Variants in ARID1A observed in about 807,000 individuals in gnomAD.
The protein encoded by ARID1A is AT-rich interaction domain 1A, also known as AT-rich interactive domain-containing protein 1A.
A neutral mutation model predicts 212.6 loss-of-function variants in ARID1A; 20 were observed. The ratio of observed to expected loss-of-function variants is 0.09; its 90% CI spans 0.07 to 0.14. The LOEUF (loss-of-function observed/expected upper bound fraction) is 0.14, where lower values mean the gene tolerates loss of function less well. ARID1A is among the 10% of genes least tolerant of loss of function. ARID1A has a pLI of 1.00. For missense variants in ARID1A, 2,587 were observed against 3,059.0 expected (o/e 0.85, Z 3.64); for synonymous variants, 1,376 against 1,222.1 (o/e 1.13, Z -2.63).
intron 1 of ARID1A, among the ~76,000 whole-genome samples, chr1:26,714,301 A>G (rs1441314395): frequency 6.6e-6 from 1 of 152,102 alleles, no homozygotes; most frequent in Non-Finnish European, 1.5e-5. Context: ...ATACTTTTGG[A>G]ACTTTGAGAA....
At chr1:26,715,840 TA>T (rs1305262348) in intron 1 of ARID1A, among the ~76,000 whole-genome samples, 57 of 146,576 alleles carry the variant, frequency 3.9e-4, no homozygotes, top group Middle Eastern at 3.5e-3. Context: ...AGACCCGTCT[TA>T]AAAAAAAAAA....
chr1:26,758,932 C>G (rs959363801), intron 4 of ARID1A, among the ~76,000 whole-genome samples: 1 of 152,228 alleles, frequency 6.6e-6, no homozygotes, highest in Non-Finnish European at 1.5e-5. Flanking sequence ...TCAGAGCAAA[C>G]TTTGTCTCCA....
chr1:26,763,532 G>A (rs2081011848), intron 8 of ARID1A, among the ~76,000 whole-genome samples: 1 of 152,180 alleles, frequency 6.6e-6, no homozygotes, highest in East Asian at 1.9e-4. Context: ...TAGCACTTTG[G>A]GAGGCCAAGG....
Position 26,719,936 on chromosome 1 carries a change from C to T in ARID1A, c.1138-9715C>T, listed in dbSNP as rs538147890. Among the ~76,000 whole-genome samples the T allele has an allele frequency of 5.4e-5, 7 of 128,716 alleles. No homozygotes were observed. In the South Asian group the frequency reaches 7.3e-4, roughly 13 times the overall value. The allele number at this position is 128,716 out of a possible 152,430, so 84.4% of individuals were successfully genotyped here. Reference sequence around the variant, plus strand: ...AGCCTGGGCAACAAAAGTGAAAGTCCGTCTCAAAAAAAAAAAAAAAAAAAG... The same window carrying T: ...AGCCTGGGCAACAAAAGTGAAAGTCTGTCTCAAAAAAAAAAAAAAAAAAAG... On this transcript the variant is annotated intron_variant, in intron 1 of 19. Coordinates refer to ENST00000324856, the MANE Select transcript of ARID1A (RefSeq NM_006015.6).
At position 26,772,492 on chromosome 1, in the gene ARID1A, G is replaced by A. The variant is rs375480693; in HGVS notation, c.3407-8G>A. 1 of 1,614,042 alleles carries A rather than the reference G, an allele frequency of 6.2e-7. No homozygotes were observed. The highest frequency in any genetic ancestry group is 8.5e-7 in the Non-Finnish European group (1 of 1,180,030). On this transcript the variant is annotated splice_region_variant and splice_polypyrimidine_tract_variant and intron_variant, in intron 12 of 19. Transcript: ENST00000324856. ...AGCAAACTACTCAACTTGTATCTCT[G>A]TCCACAGCGGGATCAGGATCTATGC...
At chr1:26,724,093 T>C (rs2080593512) in intron 1 of ARID1A, among the ~76,000 whole-genome samples, 1 of 152,138 alleles carries the variant, frequency 6.6e-6, no homozygotes, top group South Asian at 2.1e-4. Context: ...TTTTAATTAT[T>C]ATTATTAAAA....
At chr1:26,732,824 A>G (rs894404598) in intron 4 of ARID1A, 32 bp downstream of exon 4, 1 of 1,546,988 alleles carries the variant, frequency 6.5e-7, no homozygotes, top group Non-Finnish European at 8.9e-7. Context: ...GAAAGGTGAT[A>G]GGGGCAGAGA....
rs1553152137 is a variant in ARID1A, at chr1:26,763,002, G to T, written c.2449G>T (p.Ala817Ser). Residue 817 changes from alanine to serine, a missense_variant, in exon 8 of 20, where the codon GCC becomes TCC. Physicochemically the swap from Ala to Ser is moderately conservative, Grantham distance 99. Around this residue, in one of 11 missense-constraint regions of ARID1A, gnomAD observed 674 missense variants for 813.4 expected, o/e 0.83. Transcript: ENST00000324856. ...CTACCCCAGGCAGCCAAACTATAAT[G>T]CCTTGCCCAATGCCAACTACCCCAG... ...GGYPRQPNYN[A>S]LPNANYPSAG... 1 of 1,605,914 alleles carries T rather than the reference G, an allele frequency of 6.2e-7. No homozygotes were observed. Among genetic ancestry groups the T allele is most frequent in the African/African-American group, 1.3e-5 (1 of 74,882 alleles).
In ARID1A at chr1:26,761,475, TGA is replaced by T; in HGVS notation, c.2251+6_2251+7del. ...AATCAAGCATTGCCCAAGATCGAGGTGAGAGCCTGGGTGTTGGGGAGGGGCAG... is the reference window on the plus strand; with the variant it reads ...AATCAAGCATTGCCCAAGATCGAGGTGAGCCTGGGTGTTGGGGAGGGGCAG... On this transcript the variant is annotated splice_donor_region_variant and intron_variant, in intron 6 of 19. Transcript: ENST00000324856. 6.2e-7 allele frequency: 1 copy of T among 1,613,986 alleles called. No homozygotes were observed. The highest frequency in any genetic ancestry group is 8.5e-7 in the Non-Finnish European group (1 of 1,179,942).
chr1:26,721,419 C>A (rs1244765826), intron 1 of ARID1A, among the ~76,000 whole-genome samples: 8 of 152,140 alleles, frequency 5.3e-5, no homozygotes, highest in Admixed American at 5.2e-4. Context: ...ACCATATTGG[C>A]CAGGCTGGTC....
intron 1 of ARID1A, among the ~76,000 whole-genome samples, chr1:26,722,661 T>C (rs1304040906): frequency 6.6e-6 from 1 of 152,216 alleles, no homozygotes; most frequent in African/African-American, 2.4e-5. Context: ...CAAAGGCAGA[T>C]GGTCAGTTTG....
chr1:26,779,015 C>T lies in ARID1A; in HGVS notation c.5125-8C>T, dbSNP rs1226045688. On this transcript the variant is annotated splice_region_variant and splice_polypyrimidine_tract_variant and intron_variant, in intron 19 of 19. Transcript: ENST00000324856. ...CCTTAATTTATTTCCTGTTCTTTCTCTTTTTAGCTCCCAGGGTTGCTAGAG... is the reference window on the plus strand; with the variant it reads ...CCTTAATTTATTTCCTGTTCTTTCTTTTTTTAGCTCCCAGGGTTGCTAGAG... 1.3e-6 allele frequency: 2 copies of T among 1,498,094 alleles called. No individual in the cohort carries two copies. The highest frequency in any genetic ancestry group is 1.8e-6 in the Non-Finnish European group (2 of 1,123,172). 92.8% of individuals were successfully genotyped at this position (1,498,094 alleles called of 1,614,324 possible). A position where few individuals can be genotyped will look rare whatever the true frequency, so the allele number is the denominator to read the frequency against.
rs2124087488 is a variant in ARID1A at position 26,767,956 on chromosome 1, A to G, written c.3155A>G (p.Tyr1052Cys). ...PAVGRKPLDL[Y>C]RLYVSVKEIG... Reference sequence around the variant, plus strand: ...GTGGGTAGGAAACCTCTGGACCTCTATCGCCTCTATGTGTCTGTGAAGGAG... The same window carrying G: ...GTGGGTAGGAAACCTCTGGACCTCTGTCGCCTCTATGTGTCTGTGAAGGAG... Residue 1052 changes from tyrosine (Y) to cysteine (C), a missense_variant, in exon 11 of 20, where the codon TAT (tyrosine) becomes TGT (cysteine). Physicochemically the swap from Tyr to Cys is radical, Grantham distance 194. Coordinates refer to ENST00000324856, the MANE Select transcript of ARID1A (RefSeq NM_006015.6). 6.2e-7 allele frequency: 1 copy of G among 1,614,014 alleles called. No homozygotes were observed. Among genetic ancestry groups the G allele is most frequent in the South Asian group, 1.1e-5 (1 of 91,072 alleles).
At chr1:26,751,198 T>A (rs746135645) in intron 4 of ARID1A, among the ~76,000 whole-genome samples, 1 of 151,670 alleles carries the variant, frequency 6.6e-6, no homozygotes, top group African/African-American at 2.4e-5. Context: ...GAGATTGCAG[T>A]GAGCTGAGAT....
Position 26,765,875 on chromosome 1 carries a change from A to AG in ARID1A, c.2733-346_2733-345insG, listed in dbSNP as rs2081034939. The AG allele has an allele frequency of 2.7e-5, 5 of 183,020 alleles. No homozygotes were observed. In the South Asian group the frequency reaches 7.9e-4, roughly 29 times the overall value. 11.3% of individuals were successfully genotyped at this position (183,020 alleles called of 1,614,324 possible). ...GTGAAACTCTGTCTCAAAAAAAAAAAAAAGAAAATCTGGGTGTTAGCTGGA... is the reference window on the plus strand; with the variant it reads ...GTGAAACTCTGTCTCAAAAAAAAAAAGAAAGAAAATCTGGGTGTTAGCTGGA... On this transcript the variant is annotated intron_variant, in intron 8 of 19. Transcript: ENST00000324856.
chr1:26,697,074 C>T lies in ARID1A; in HGVS notation c.671C>T (p.Pro224Leu). 1.3e-6 allele frequency: 2 copies of T among 1,502,220 alleles called. No individual in the cohort carries two copies. The highest frequency in any genetic ancestry group is 2.8e-5 in the East Asian group (1 of 35,850). The allele number at this position is 1,502,220 out of a possible 1,614,324, so 93.1% of individuals were successfully genotyped here. Residue 224 changes from proline (P) to leucine (L), a missense_variant, in exon 1 of 20, where the codon CCG becomes CTG. Transcript: ENST00000324856. ...TACCCCAACCGCAGCGCCTACCCCC[C>T]GCCCGCCCCGGCCTACGCGCTGAGC... is the stretch of plus-strand genomic sequence containing the variant. The part of the protein sequence containing the change: ...SYYPNRSAYP[P>L]PAPAYALSSP...
chr1:26,731,539 C>A lies in ARID1A; in HGVS notation c.1738C>A (p.Pro580Thr), dbSNP rs202072242. 12 of 1,614,162 alleles carry A rather than the reference C, an allele frequency of 7.4e-6. No individual in the cohort carries two copies. The highest frequency in any genetic ancestry group is 6.7e-5 in the Admixed American group (4 of 60,004). Residue 580 changes from proline (P) to threonine (T), a missense_variant, in exon 3 of 20, where the codon CCT becomes ACT. Physicochemically the swap from Pro to Thr is conservative, Grantham distance 38. Coordinates refer to ENST00000324856, the MANE Select transcript of ARID1A (RefSeq NM_006015.6). ...GACGCTCTCCCAGCAGGCTGCGTAT[C>A]CTCAGCCCCAGTCTCAGCAGTCCCA... ...PSTLSQQAAY[P>T]QPQSQQSQQT...
intron 1 of ARID1A, among the ~76,000 whole-genome samples, chr1:26,705,984 A>G (rs995755913): frequency 6.6e-6 from 1 of 152,190 alleles, no homozygotes; most frequent in Non-Finnish European, 1.5e-5. Context: ...AGTGTTGGTC[A>G]TGGTACATAT....
chr1:26,724,361 C>T lies in ARID1A; in HGVS notation c.1138-5290C>T, dbSNP rs1036139826. 1.4e-4 allele frequency among the ~76,000 whole-genome samples: 21 copies of T among 152,212 alleles called. No homozygotes were observed. In the East Asian group the frequency reaches 2.9e-3, roughly 21 times the overall value. The stretch of plus-strand genomic sequence containing the variant: ...ACTAAATTTAGCTCCTTAGGGTTGC[C>T]GCCTGGTCACTTCTTTCTATTTCCT... On this transcript the variant is annotated intron_variant, in intron 1 of 19. Coordinates refer to ENST00000324856, the MANE Select transcript of ARID1A (RefSeq NM_006015.6).
Sources: allele counts gnomAD v4.1 joint callset (sites outside exome capture counted in the v4.1 genomes callset), GRCh38; gene constraint gnomAD v4.1.1; regional missense constraint gnomAD v4.1.1; transcripts MANE v1.5; gene names NCBI Gene and HGNC (gene_info 2026-07-23, HGNC 2026-07-21).